The following GALNT7 variants were observed in gnomAD, a reference collection of about 807,000 sequenced individuals.
GALNT7 encodes the protein polypeptide N-acetylgalactosaminyltransferase 7.
Under a neutral mutation model 82.1 loss-of-function variants are expected in GALNT7, and 60 were observed. The observed-to-expected ratio is 0.73, with a 90% CI of 0.59 to 0.91. GALNT7 has a LOEUF of 0.91. GALNT7 is among the 40% of genes least tolerant of loss of function. The pLI, the probability that GALNT7 is intolerant of heterozygous loss-of-function variation, is 0.00. For synonymous variants in GALNT7, 243 were observed against 275.1 expected (o/e 0.88, Z 1.15); for missense variants, 660 against 804.2 (o/e 0.82, Z 2.17).
intron 1 of GALNT7, among the ~76,000 whole-genome samples, chr4:173,245,646 A>G (rs989761403): frequency 6.6e-6 from 1 of 152,232 alleles, no homozygotes; most frequent in Admixed American, 6.6e-5. Flanking sequence ...GTTTGTTACA[A>G]CATTTTATAA....
intron 1 of GALNT7, among the ~76,000 whole-genome samples, chr4:173,207,300 T>C (rs1379831237): frequency 6.6e-6 from 1 of 152,168 alleles, no homozygotes; most frequent in East Asian, 1.9e-4. Context: ...AAAATACATT[T>C]TTTGTGAAAA....
At chr4:173,181,899 G>T (rs1049268815) in intron 1 of GALNT7, among the ~76,000 whole-genome samples, 1 of 152,164 alleles carries the variant, frequency 6.6e-6, no homozygotes, top group Admixed American at 6.5e-5. Flanking sequence ...ACTGCAAGAA[G>T]AGTACAGCCA....
At chr4:173,186,007 G>C (rs972854205) in intron 1 of GALNT7, among the ~76,000 whole-genome samples, 4 of 152,212 alleles carry the variant, frequency 2.6e-5, no homozygotes, top group Admixed American at 6.5e-5. Context: ...AGGGCAAGGA[G>C]AGTGAACTTT....
chr4:173,284,405 T>C (rs1736234429), intron 2 of GALNT7, among the ~76,000 whole-genome samples: 1 of 152,234 alleles, frequency 6.6e-6, no homozygotes, highest in African/African-American at 2.4e-5. Context: ...ATTCAGACAT[T>C]AGAACCTTAG....
chr4:173,272,513 A>G (rs1289182979), intron 2 of GALNT7, among the ~76,000 whole-genome samples: 1 of 152,244 alleles, frequency 6.6e-6, no homozygotes, highest in Admixed American at 6.5e-5. Context: ...TCTTTGAGCC[A>G]TAAACTATTT....
In GALNT7 at chr4:173,168,839, A is replaced by C; in HGVS notation, c.4A>C (p.Arg2=). 3 of 1,611,240 alleles carry C rather than the reference A, an allele frequency of 1.9e-6. No homozygotes were observed. The highest frequency in any genetic ancestry group is 2.5e-6 in the Non-Finnish European group (3 of 1,178,614). Residue 2 remains arginine, a synonymous_variant, in exon 1 of 12, where the codon AGG becomes CGG. Transcript: ENST00000265000. M[R]LKIGFILRSL... ...AGTCTCTCGCCGCCGGAGGAAGATGAGGCTGAAGATTGGGTTCATCTTACG... is the reference window on the plus strand; with the variant it reads ...AGTCTCTCGCCGCCGGAGGAAGATGCGGCTGAAGATTGGGTTCATCTTACG...
At chr4:173,213,556 A>C (rs765760345) in intron 1 of GALNT7, among the ~76,000 whole-genome samples, 1 of 152,034 alleles carries the variant, frequency 6.6e-6, no homozygotes, top group Non-Finnish European at 1.5e-5. Flanking sequence ...GTAGTCATAC[A>C]CTCTTTTGTA....
At chr4:173,247,353 T>C (rs1734680255) in intron 1 of GALNT7, among the ~76,000 whole-genome samples, 3 of 150,188 alleles carry the variant, frequency 2.0e-5, no homozygotes, top group Admixed American at 6.7e-5. Flanking sequence ...AAACTAGATA[T>C]GGGGGAGTGG....
At chr4:173,304,686 C>T (rs554037652) in intron 8 of GALNT7, among the ~76,000 whole-genome samples, 10 of 152,120 alleles carry the variant, frequency 6.6e-5, no homozygotes, top group African/African-American at 2.2e-4. Context: ...TGACCAAAAT[C>T]AGCCCACTCC....
chr4:173,298,381 T>C (rs1197028109), intron 6 of GALNT7, 84 bp downstream of exon 6: 4 of 866,972 alleles, frequency 4.6e-6, no homozygotes, highest in Non-Finnish European at 7.1e-6. Context: ...AGATTCGTTA[T>C]TAAAACTGTA....
intron 7 of GALNT7, among the ~76,000 whole-genome samples, chr4:173,303,150 G>A (rs1351585533): frequency 4.6e-5 from 7 of 151,704 alleles, no homozygotes; most frequent in African/African-American, 7.3e-5. Context: ...AGCCGAGATC[G>A]CACCACTGCA....
intron 1 of GALNT7, among the ~76,000 whole-genome samples, chr4:173,182,906 G>A (rs1732300151): frequency 7.6e-6 from 1 of 131,512 alleles, no homozygotes; most frequent in African/African-American, 3.2e-5. Flanking sequence ...GAATGATGAG[G>A]CTAGCAGGTT....
chr4:173,224,279 C>T (rs1733731504), intron 1 of GALNT7, among the ~76,000 whole-genome samples: 1 of 151,862 alleles, frequency 6.6e-6, no homozygotes, highest in Admixed American at 6.6e-5. Context: ...GTAGATCTCA[C>T]CATATCGAAT....
At chr4:173,231,780 T>G (rs903249945) in intron 1 of GALNT7, among the ~76,000 whole-genome samples, 1 of 152,146 alleles carries the variant, frequency 6.6e-6, no homozygotes, top group Non-Finnish European at 1.5e-5. Flanking sequence ...TGTTATTATT[T>G]TTGTATATGG....
chr4:173,216,111 C>CTT (rs1450864554), intron 1 of GALNT7, among the ~76,000 whole-genome samples: 1 of 152,032 alleles, frequency 6.6e-6, no homozygotes, highest in Admixed American at 6.5e-5. Context: ...GAGCAAGACT[C>CTT]TGTCTAAAAA....
At position 173,302,531 on chromosome 4, in the gene GALNT7, C is replaced by T. The variant is rs1269711965; in HGVS notation, c.1266+367C>T. ...CACCCACTGACACAGTCACCCTTTA[C>T]CACTGTAGGACATGATTCAAGACAG... On this transcript the variant is annotated intron_variant, in intron 7 of 11. Transcript: ENST00000265000. This position sits in a 1 kb window ranked among gnomAD's most constrained non-coding sequence, Gnocchi z 4.2. Among the ~76,000 whole-genome samples the T allele has an allele frequency of 6.6e-6, 1 of 152,170 alleles. No individual in the cohort carries two copies. Among genetic ancestry groups the T allele is most frequent in the Non-Finnish European group, 1.5e-5 (1 of 68,022 alleles).
intron 1 of GALNT7, among the ~76,000 whole-genome samples, chr4:173,244,688 T>C (rs1202120642): frequency 6.6e-6 from 1 of 152,170 alleles, no homozygotes; most frequent in African/African-American, 2.4e-5. Context: ...ATTATTCCTA[T>C]TGTAATCTTG....
rs1238215259 is a variant in GALNT7 at position 173,178,046 on chromosome 4, TGTGTGTGCGCGCACGC to T, written c.126+9087_126+9102del. On this transcript the variant is annotated intron_variant, in intron 1 of 11. Coordinates refer to ENST00000265000, the MANE Select transcript of GALNT7 (RefSeq NM_017423.3). The stretch of plus-strand genomic sequence containing the variant: ...GTGTGTGTGTGTGTGTGTGTGTGTG[TGTGTGTGCGCGCACGC>T]GCGTGCGCACAGACACCTATGTATA... Among the ~76,000 whole-genome samples, 8 of 105,376 alleles carry T rather than the reference TGTGTGTGCGCGCACGC, an allele frequency of 7.6e-5. 1 individual carries two copies. Among genetic ancestry groups the T allele is most frequent in the African/African-American group, 2.8e-4 (7 of 25,084 alleles). 69.1% of individuals were successfully genotyped at this position (105,376 alleles called of 152,430 possible). A position where few individuals can be genotyped will look rare whatever the true frequency, so the allele number is the denominator to read the frequency against.
chr4:173,287,626 C>G (rs896455367), intron 2 of GALNT7, among the ~76,000 whole-genome samples: 4 of 152,224 alleles, frequency 2.6e-5, no homozygotes, highest in Non-Finnish European at 4.4e-5. Context: ...TCCCAGTGAC[C>G]ATCCTTCATA....
Sources: gnomAD v4.1 joint callset for allele counts (sites outside exome capture counted in the v4.1 genomes callset) on GRCh38, gnomAD v4.1.1 for gene constraint, Gnocchi (gnomAD v3.1) non-coding constraint, MANE v1.5 for transcripts, NCBI Gene and HGNC (gene_info 2026-07-23, HGNC 2026-07-21) for gene names.